MSS51: variants seen among roughly 807,000 people sequenced by gnomAD.
MSS51 encodes the protein putative protein MSS51 homolog, mitochondrial.
Under a neutral mutation model 40.2 loss-of-function variants are expected in MSS51, and 32 were observed. The ratio of observed to expected loss-of-function variants is 0.80; its 90% confidence interval spans 0.60 to 1.07. The LOEUF is 1.07. Among genes scored for constraint, MSS51 ranks in the 50% least tolerant of loss-of-function variants. MSS51 has a pLI of 0.00. For missense variants in MSS51, 518 were observed against 568.9 expected (o/e 0.91, Z 0.91); for synonymous variants, 178 against 214.2 (o/e 0.83, Z 1.48).
In MSS51 at chr10:73,424,486, A is replaced by G; in HGVS notation, c.*67T>C. On this transcript the variant is annotated 3_prime_UTR_variant, in exon 7 of 7. Coordinates refer to ENST00000299432, the MANE Select transcript of MSS51 (RefSeq NM_001024593.2). Reference sequence around the variant, plus strand: ...TATAATGTTTTTCAAAGTTTGCAAGAACCTGGCATTAGCAGGGTAATTTCA... The same window carrying G: ...TATAATGTTTTTCAAAGTTTGCAAGGACCTGGCATTAGCAGGGTAATTTCA... 1 of 1,236,826 alleles carries G rather than the reference A, an allele frequency of 8.1e-7. No homozygotes were observed. The highest frequency in any genetic ancestry group is 1.2e-6 in the Non-Finnish European group (1 of 842,238). 76.6% of individuals were successfully genotyped at this position (1,236,826 alleles called of 1,614,324 possible).
In MSS51 at chr10:73,427,682, C is replaced by A; in HGVS notation, c.308G>T (p.Arg103Leu). ...EMFQRMEDTF[R>L]FCAHCRALPS... ...GAGTGCTCTACAGTGAGCACAGAAT[C>A]GAAATGTGTCTTCCATCCTCTGGAA... is the stretch of plus-strand genomic sequence containing the variant. The change falls in exon 3 of 7, where the codon CGA becomes CTA. Residue 103 changes from arginine (R) to leucine (L), a missense_variant. Physicochemically the swap from Arg to Leu is moderately radical, Grantham distance 102. Transcript: ENST00000299432. 2 of 1,614,166 alleles carry A rather than the reference C, an allele frequency of 1.2e-6. No individual in the cohort carries two copies. The highest frequency in any genetic ancestry group is 2.2e-5 in the South Asian group (2 of 91,082).
In MSS51 at chr10:73,425,078, A is replaced by C. The variant is rs190893456; in HGVS notation, c.1163+20T>G. Reference sequence around the variant, plus strand: ...AGATGTAAAGTCAGGGAAGTATCACAAATAGGATGAGGTCAAAACCTGTAA... The same window carrying C: ...AGATGTAAAGTCAGGGAAGTATCACCAATAGGATGAGGTCAAAACCTGTAA... On this transcript the variant is annotated intron_variant, in intron 6 of 6. Coordinates refer to ENST00000299432, the MANE Select transcript of MSS51 (RefSeq NM_001024593.2). The C allele has an allele frequency of 4.1e-4, 650 of 1,583,720 alleles. 1 individual carries two copies. In the African/African-American group the frequency reaches 7.8e-3, roughly 19 times the overall value.
intron 1 of MSS51, among the ~76,000 whole-genome samples, chr10:73,432,272 C>T (rs1030828092): frequency 1.4e-4 from 22 of 152,048 alleles, no homozygotes; most frequent in African/African-American, 5.1e-4. Context: ...CTCCTGACCT[C>T]GTGATCCACC....
rs943099322 is a variant in MSS51, at chr10:73,426,117, T to C, written c.763A>G (p.Ile255Val). 27 of 1,613,954 alleles carry C rather than the reference T, an allele frequency of 1.7e-5. No homozygotes were observed. The Admixed American group carries it at 4.3e-4, about 26-fold the overall frequency. ...TLGLGLRALGIDVRRTGGSTV... is the reference protein window; with the variant it reads ...TLGLGLRALGVDVRRTGGSTV... Reference sequence around the variant, plus strand: ...CTTCCCCCAGTCCTCCTAACATCTATCCCCAAGGCCCTAAGTCCTAGGCCT... The same window carrying C: ...CTTCCCCCAGTCCTCCTAACATCTACCCCCAAGGCCCTAAGTCCTAGGCCT... The change falls in exon 5 of 7, where the codon ATA becomes GTA. Residue 255 changes from isoleucine to valine, a missense_variant. By Grantham distance (29) the Ile-to-Val change is conservative (BLOSUM62 3). Coordinates refer to ENST00000299432, the MANE Select transcript of MSS51 (RefSeq NM_001024593.2).
At chr10:73,425,741 A>G in intron 5 of MSS51, 70 bp downstream of exon 5, 1 of 1,393,768 alleles carries the variant, frequency 7.2e-7, no homozygotes. Flanking sequence ...GGGGTTCCAA[A>G]GACAGAAGAT....
rs2056005152 is a variant in MSS51, at chr10:73,428,299, TA to T, written c.-16del. 2.5e-6 allele frequency: 4 copies of T among 1,590,040 alleles called. No individual in the cohort carries two copies. In the East Asian group the frequency reaches 9.0e-5, roughly 36 times the overall value. On this transcript the variant is annotated splice_region_variant and 5_prime_UTR_variant, in exon 2 of 7. Transcript: ENST00000299432. ...CGTGGAGCCATGGCCTGTCCAGTGA[TA>T]CCTGGAGATTATATGCAGAATAGAC...
chr10:73,424,950 G>C, intron 6 of MSS51, 148 bp downstream of exon 6: 1 of 801,980 alleles, frequency 1.2e-6, no homozygotes. Context: ...ACTAGCAAAG[G>C]ACTGTTCCAA....
intron 1 of MSS51, among the ~76,000 whole-genome samples, chr10:73,428,776 C>T (rs1481373330): frequency 1.3e-5 from 2 of 151,746 alleles, no homozygotes; most frequent in African/African-American, 2.4e-5. Context: ...CTTGAGCCAC[C>T]GCACCCAGCC....
At position 73,424,588 on chromosome 10, in the gene MSS51, T is replaced by C; in HGVS notation, c.1348A>G (p.Arg450Gly). The change falls in exon 7 of 7, where the codon AGG becomes GGG. Residue 450 changes from arginine to glycine, a missense_variant. Transcript: ENST00000299432. ...CCGTCCACTTTCTCTTCTAATTGCC[T>C]ATTATCCAGCTGACAGGAGCTTCCA... is the stretch of plus-strand genomic sequence containing the variant. ...FLGSSCQLDN[R>G]QLEEKVDGGI 1.9e-6 allele frequency: 3 copies of C among 1,614,134 alleles called. No individual in the cohort carries two copies. The highest frequency in any genetic ancestry group is 2.5e-6 in the Non-Finnish European group (3 of 1,179,958).
chr10:73,425,046 TAA>T (rs1343547626), intron 6 of MSS51, 50 bp downstream of exon 6: 4 of 1,409,664 alleles, frequency 2.8e-6, no homozygotes, highest in Non-Finnish European at 4.0e-6. Flanking sequence ...CTCATCTATA[TAA>T]AGAGAGATGT....
At chr10:73,429,837 T>G (rs2056015556) in intron 1 of MSS51, among the ~76,000 whole-genome samples, 1 of 152,128 alleles carries the variant, frequency 6.6e-6, no homozygotes, top group African/African-American at 2.4e-5. Flanking sequence ...GCAGGGAGAT[T>G]AGATGTAGAC....
rs1024075834 is a variant in MSS51, at chr10:73,424,958, C to A, written c.1163+140G>T. 4 of 822,036 alleles carry A rather than the reference C, an allele frequency of 4.9e-6. No individual in the cohort carries two copies. In the Admixed American group the frequency reaches 8.7e-5, roughly 18 times the overall value. The allele number at this position is 822,036 out of a possible 1,614,324, so 50.9% of individuals were successfully genotyped here. On this transcript the variant is annotated intron_variant, in intron 6 of 6. Coordinates refer to ENST00000299432, the MANE Select transcript of MSS51 (RefSeq NM_001024593.2). ...TCCATTAACTAGCAAAGGACTGTTC[C>A]AAGGGGATAAAAAAGCCATATGCGG...
intron 1 of MSS51, among the ~76,000 whole-genome samples, chr10:73,428,712 C>T (rs1213532679): frequency 6.6e-6 from 1 of 151,760 alleles, no homozygotes; most frequent in African/African-American, 2.4e-5. Flanking sequence ...GTCTCAAACT[C>T]CTGACCTCAG....
rs1330904128 is a variant in MSS51 at position 73,426,197 on chromosome 10, A to G, written c.683T>C (p.Leu228Pro). The G allele has an allele frequency of 6.2e-6, 10 of 1,614,116 alleles. No homozygotes were observed. The highest frequency in any genetic ancestry group is 7.6e-6 in the Non-Finnish European group (9 of 1,180,050). ...VGRPRPDPDV[L>P]QGSLKRLLTD... The stretch of plus-strand genomic sequence containing the variant: ...CAGCAGCCGCTTCAAAGATCCCTGC[A>G]GGACATCCGGGTCTGGCCTTGGCCG... Residue 228 changes from leucine (L) to proline (P), a missense_variant, in exon 5 of 7, where the codon CTG (leucine) becomes CCG (proline). Coordinates refer to ENST00000299432, the MANE Select transcript of MSS51 (RefSeq NM_001024593.2).
Position 73,426,179 on chromosome 10 carries a change from C to G in MSS51, c.701G>C (p.Arg234Pro), listed in dbSNP as rs149548830. 2 of 1,614,224 alleles carry G rather than the reference C, an allele frequency of 1.2e-6. No homozygotes were observed. The highest frequency in any genetic ancestry group is 1.7e-6 in the Non-Finnish European group (2 of 1,180,030). ...DPDVLQGSLK[R>P]LLTDVLSRPL... Reference sequence around the variant, plus strand: ...CCGTGACAGGACATCTGTCAGCAGCCGCTTCAAAGATCCCTGCAGGACATC... The same window carrying G: ...CCGTGACAGGACATCTGTCAGCAGCGGCTTCAAAGATCCCTGCAGGACATC... Residue 234 changes from arginine (R) to proline (P), a missense_variant, in exon 5 of 7, where the codon CGG (arginine) becomes CCG (proline). Coordinates refer to ENST00000299432, the MANE Select transcript of MSS51 (RefSeq NM_001024593.2).
chr10:73,429,674 TG>T (rs1307062403), intron 1 of MSS51: 1 of 456,298 alleles, frequency 2.2e-6, no homozygotes, highest in Non-Finnish European at 4.4e-6. Flanking sequence ...TCTTCTGCCA[TG>T]CCTTCCATAA....
rs773544680 is a variant in MSS51 at position 73,424,764 on chromosome 10, T to C, written c.1172A>G (p.Glu391Gly). 1.2e-6 allele frequency: 2 copies of C among 1,612,736 alleles called. No individual in the cohort carries two copies. The highest frequency in any genetic ancestry group is 2.2e-5 in the South Asian group (2 of 91,066). Residue 391 changes from glutamate (E) to glycine (G), a missense_variant, in exon 7 of 7, where the codon GAG (glutamate) becomes GGG (glycine). Physicochemically the swap from Glu to Gly is moderately conservative, Grantham distance 98. Transcript: ENST00000299432. ...PTLITVYSHQELVSSLQILVE... is the reference protein window; with the variant it reads ...PTLITVYSHQGLVSSLQILVE... ...CAGAATCTGCAAAGAGGATACCAAC[T>C]CCTGATGGCTGTAGAAGAGAGAGAA...
chr10:73,426,399 A>G lies in MSS51; in HGVS notation c.503-22T>C, dbSNP rs1477581776. 1.9e-6 allele frequency: 3 copies of G among 1,596,914 alleles called. No individual in the cohort carries two copies. The Admixed American group carries it at 5.1e-5, about 27-fold the overall frequency. ...TCACCTGTAGGAAAGAAGAAATAAG[A>G]AGTAACCTAATGCTTTCCTGGCTTC... On this transcript the variant is annotated intron_variant, in intron 4 of 6. Coordinates refer to ENST00000299432, the MANE Select transcript of MSS51 (RefSeq NM_001024593.2).
intron 1 of MSS51, among the ~76,000 whole-genome samples, chr10:73,432,335 C>T (rs905176591): frequency 2.0e-5 from 3 of 152,172 alleles, no homozygotes; most frequent in East Asian, 1.9e-4. Context: ...CGGCGCCCGG[C>T]CAAGACACCA....
Sources: allele counts gnomAD v4.1 joint callset (sites outside exome capture counted in the v4.1 genomes callset), GRCh38; gene constraint gnomAD v4.1.1; transcripts MANE v1.5; gene names NCBI Gene and HGNC (gene_info 2026-07-23, HGNC 2026-07-21).